MACROD2: variants seen among roughly 807,000 people sequenced by gnomAD.
The protein encoded by MACROD2 is ADP-ribose glycohydrolase MACROD2.
MACROD2 carries 36 observed loss-of-function variants against 70.4 expected under a neutral mutation model. The observed-to-expected ratio is 0.51, with a 90% CI of 0.39 to 0.68. The LOEUF (loss-of-function observed/expected upper bound fraction) is 0.68. MACROD2 is among the 30% of genes least tolerant of loss of function. MACROD2 has a pLI of 0.00. For missense variants in MACROD2, 496 were observed against 538.4 expected (o/e 0.92, Z 0.78); for synonymous variants, 172 against 178.8 (o/e 0.96, Z 0.30).
chr20:14,462,476 C>CT (rs1333231698), intron 3 of MACROD2, among the ~76,000 whole-genome samples: 3 of 151,968 alleles, frequency 2.0e-5, no homozygotes, highest in Admixed American at 6.6e-5. Context: ...TTCTCCCATT[C>CT]TGTAGGTTGC....
At chr20:14,380,108 C>G (rs964010211) in intron 3 of MACROD2, among the ~76,000 whole-genome samples, 1 of 152,052 alleles carries the variant, frequency 6.6e-6, no homozygotes, top group Non-Finnish European at 1.5e-5. Context: ...CATGTCTTCA[C>G]CAACACTTTT....
At chr20:14,801,681 C>T (rs1482696328) in intron 5 of MACROD2, among the ~76,000 whole-genome samples, 1 of 152,020 alleles carries the variant, frequency 6.6e-6, no homozygotes, top group East Asian at 1.9e-4. Context: ...ACTGTGCAGA[C>T]TGCTGCTATA....
chr20:14,758,103 G>T, intron 5 of MACROD2: 2 of 326,700 alleles, frequency 6.1e-6, no homozygotes, highest in Admixed American at 4.6e-5. Context: ...AGCCAAAAAA[G>T]CTTAAAAAAA....
chr20:14,863,485 A>T (rs757790759), intron 5 of MACROD2, among the ~76,000 whole-genome samples: 2 of 152,132 alleles, frequency 1.3e-5, no homozygotes, highest in Non-Finnish European at 2.9e-5. Context: ...ACTTAAAAAC[A>T]TGTATCACAA....
chr20:15,034,199 A>G (rs1203946192), intron 5 of MACROD2, among the ~76,000 whole-genome samples: 1 of 152,186 alleles, frequency 6.6e-6, no homozygotes, highest in East Asian at 1.9e-4. Context: ...ACATTATTGC[A>G]TTTTGCAGAA....
chr20:14,128,823 A>G (rs141786686), intron 3 of MACROD2, among the ~76,000 whole-genome samples: 2 of 152,304 alleles, frequency 1.3e-5, no homozygotes, highest in Non-Finnish European at 2.9e-5. Context: ...TGTGTTCTAT[A>G]AGCAGAATCA....
At chr20:14,612,884 T>G (rs868172720) in intron 4 of MACROD2, among the ~76,000 whole-genome samples, 1 of 152,148 alleles carries the variant, frequency 6.6e-6, no homozygotes, top group South Asian at 2.1e-4. Context: ...CATTTGTACC[T>G]TGCTCTATAT....
intron 5 of MACROD2, among the ~76,000 whole-genome samples, chr20:14,940,148 C>CAAAAAAAAA (rs57697517): frequency 6.0e-4 from 33 of 55,090 alleles, no homozygotes; most frequent in Non-Finnish European, 8.1e-4. Flanking sequence ...CTCATCTCTG[C>CAAAAAAAAA]AAAAAAAAAA....
chr20:16,014,113 A>G (rs60303172), intron 15 of MACROD2, among the ~76,000 whole-genome samples: 6,117 of 152,136 alleles, frequency 0.04, 341 homozygotes, highest in East Asian at 0.15. Flanking sequence ...TCAGTGTTGG[A>G]CTCTAGTCTT....
intron 4 of MACROD2, chr20:14,631,788 AAAAG>A (rs978780552): frequency 1.3e-5 from 2 of 152,284 alleles, no homozygotes; most frequent in African/African-American, 4.8e-5. Context: ...AAGAAAAAGA[AAAAG>A]AAAAACCAAT....
chr20:14,897,850 GC>G (rs1283928968), intron 5 of MACROD2, among the ~76,000 whole-genome samples: 2 of 152,048 alleles, frequency 1.3e-5, no homozygotes, highest in Non-Finnish European at 2.9e-5. Flanking sequence ...TTCATAGATG[GC>G]CGTCTTCTCA....
At chr20:14,476,543 G>A (rs1338313343) in intron 3 of MACROD2, among the ~76,000 whole-genome samples, 2 of 152,152 alleles carry the variant, frequency 1.3e-5, no homozygotes, top group South Asian at 4.1e-4. Flanking sequence ...TTTTAGTAGG[G>A]AAAGGGTTTC....
At chr20:15,049,261 A>T (rs185847060) in intron 5 of MACROD2, among the ~76,000 whole-genome samples, 1 of 152,098 alleles carries the variant, frequency 6.6e-6, no homozygotes, top group East Asian at 1.9e-4. Flanking sequence ...AAGCATTGCA[A>T]GGAGAGAGAA....
chr20:14,225,389 C>T (rs897141426), intron 3 of MACROD2, among the ~76,000 whole-genome samples: 4 of 152,118 alleles, frequency 2.6e-5, no homozygotes, highest in African/African-American at 4.8e-5. Context: ...TAATAGCTTT[C>T]CTTGATACTT....
At chr20:15,541,987 C>G (rs1852508222) in intron 8 of MACROD2, among the ~76,000 whole-genome samples, 1 of 152,196 alleles carries the variant, frequency 6.6e-6, no homozygotes. Context: ...GGTATGGGCA[C>G]TATCTTTAGG....
chr20:15,056,388 G>A (rs1322103), intron 5 of MACROD2, among the ~76,000 whole-genome samples: 27,749 of 151,984 alleles, frequency 0.18, 2,936 homozygotes, highest in East Asian at 0.33. Context: ...CAGAGCTCCC[G>A]GCGAGACTCC....
At chr20:14,825,723 T>C (rs2072893960) in intron 5 of MACROD2, among the ~76,000 whole-genome samples, 1 of 152,156 alleles carries the variant, frequency 6.6e-6, no homozygotes, top group Non-Finnish European at 1.5e-5. Flanking sequence ...TCTCTTAATA[T>C]GAGCCAATTT....
intron 5 of MACROD2, among the ~76,000 whole-genome samples, chr20:15,011,224 G>A (rs1446041428): frequency 6.6e-6 from 1 of 152,062 alleles, no homozygotes; most frequent in Non-Finnish European, 1.5e-5. Context: ...TGTCACTTAG[G>A]GTCAGTAGTT....
intron 4 of MACROD2, among the ~76,000 whole-genome samples, chr20:14,563,873 A>G (rs1979602606): frequency 6.6e-6 from 1 of 152,018 alleles, no homozygotes; most frequent in Non-Finnish European, 1.5e-5. Context: ...GGAATCAAAA[A>G]AGAACCTGAA....
Sources: allele counts gnomAD v4.1 joint callset (sites outside exome capture counted in the v4.1 genomes callset), GRCh38; gene constraint gnomAD v4.1.1; transcripts MANE v1.5; gene names NCBI Gene and HGNC (gene_info 2026-07-23, HGNC 2026-07-21).